The following DYNC2H1 variants were observed in gnomAD, a reference collection of about 807,000 sequenced individuals.
The protein encoded by DYNC2H1 is dynein cytoplasmic 2 heavy chain 1.
DYNC2H1 carries 410 observed loss-of-function variants against 570.0 expected under a neutral mutation model. The ratio of observed to expected loss-of-function variants is 0.72; its 90% CI spans 0.66 to 0.78. The LOEUF is 0.78. DYNC2H1 is among the 30% of genes least tolerant of loss of function. DYNC2H1 has a pLI of 0.00. For missense variants in DYNC2H1, 4,865 were observed against 5,046.4 expected, an observed-to-expected ratio of 0.96 and a Z score of 1.09; for synonymous variants, 1,688 against 1,677.6, an observed-to-expected ratio of 1.01 and a Z score of -0.15.
chr11:103,173,355 G>A, intron 35 of DYNC2H1, 50 bp downstream of exon 35: 2 of 1,306,666 alleles, frequency 1.5e-6, no homozygotes, highest in East Asian at 5.9e-5. Context: ...TCTAATGATT[G>A]ATTTTGGTTA....
At chr11:103,159,818 T>A (rs1408339522) in intron 28 of DYNC2H1, among the ~76,000 whole-genome samples, 3 of 152,102 alleles carry the variant, frequency 2.0e-5, no homozygotes, top group Non-Finnish European at 4.4e-5. Flanking sequence ...ATCAGCAAAA[T>A]ATAACCCATG....
At chr11:103,114,485 AT>A (rs1333356952) in intron 3 of DYNC2H1, among the ~76,000 whole-genome samples, 1 of 152,128 alleles carries the variant, frequency 6.6e-6, no homozygotes, top group East Asian at 1.9e-4. Flanking sequence ...CCGCTGGCTA[AT>A]TTATTTTAGT....
At position 103,156,262 on chromosome 11, in the gene DYNC2H1, C is replaced by CTT. The variant is rs373290219; in HGVS notation, c.3745-115_3745-114dup. 9.3e-3 allele frequency: 7,555 copies of CTT among 810,532 alleles called. 291 individuals are homozygous for CTT. The African/African-American group carries it at 0.11, about 12-fold the overall frequency. The allele number at this position is 810,532 out of a possible 1,614,324, so 50.2% of individuals were successfully genotyped here. A position where few individuals can be genotyped will look rare whatever the true frequency, so the allele number is the denominator to read the frequency against. ...TTGCATGTAAAATAGAGCCACTTAA[C>CTT]TTTTTTTTTTTTGCCTTATGGTGAA... On this transcript the variant is annotated intron_variant, in intron 25 of 88. Coordinates refer to ENST00000375735, the MANE Select transcript of DYNC2H1 (RefSeq NM_001377.3).
intron 59 of DYNC2H1, 45 bp from the exon 60 acceptor site, chr11:103,231,215 A>G (rs752968052): frequency 3.2e-5 from 39 of 1,207,204 alleles, no homozygotes; most frequent in Middle Eastern, 4.2e-4. Flanking sequence ...TTTATAGTTG[A>G]TATCTAAAAT....
rs1256353297 is a variant in DYNC2H1 at position 103,129,777 on chromosome 11, C to G, written c.1953+772C>G. ...TATGTGACTACTAACTTTTTGAAGT[C>G]TGTATTTTTAGTCTTCATAGACATG... On this transcript the variant is annotated intron_variant, in intron 13 of 88. Transcript: ENST00000375735. The surrounding 1 kb of genome is among the most constrained non-coding windows in gnomAD (Gnocchi z 4.1). 6.6e-6 allele frequency among the ~76,000 whole-genome samples: 1 copy of G among 152,142 alleles called. No individual in the cohort carries two copies. The highest frequency in any genetic ancestry group is 1.5e-5 in the Non-Finnish European group (1 of 68,012).
intron 78 of DYNC2H1, among the ~76,000 whole-genome samples, chr11:103,310,709 G>T: frequency 9.9e-6 from 1 of 100,606 alleles, no homozygotes; most frequent in Non-Finnish European, 1.9e-5. Context: ...GGGAGACTGA[G>T]TCTTGCTCTG....
intron 85 of DYNC2H1, among the ~76,000 whole-genome samples, chr11:103,440,153 G>C (rs1001514268): frequency 4.6e-5 from 7 of 152,168 alleles, no homozygotes; most frequent in African/African-American, 1.2e-4. Context: ...CTCATGTGTT[G>C]ATTTCTATAT....
At chr11:103,266,927 A>G (rs79081136) in intron 70 of DYNC2H1, among the ~76,000 whole-genome samples, 20,160 of 152,216 alleles carry the variant, frequency 0.13, 1,641 homozygotes, top group Non-Finnish European at 0.19. Context: ...CCTTAGAGCT[A>G]AAGTCTCCAA....
At chr11:103,391,978 C>T (rs1450544169) in intron 83 of DYNC2H1, among the ~76,000 whole-genome samples, 2 of 152,214 alleles carry the variant, frequency 1.3e-5, no homozygotes, top group Non-Finnish European at 1.5e-5. Context: ...TGTCTGTTCT[C>T]AGATCTCAAA....
At position 103,122,866 on chromosome 11, in the gene DYNC2H1, C is replaced by T; in HGVS notation, c.1527C>T (p.Asp509=). The change falls in exon 11 of 89, where the codon GAC becomes GAT. Residue 509 remains aspartate, a synonymous_variant. Transcript: ENST00000375735. The part of the protein sequence containing the change: ...TIKIAEALLS[D]LPGFRCFHQS... ...AGATTGCAGAGGCTCTTTTATCTGA[C>T]TTGCCAGGATTTCGATGTTTCCATC... 1 of 1,613,284 alleles carries T rather than the reference C, an allele frequency of 6.2e-7. No individual in the cohort carries two copies. Among genetic ancestry groups the T allele is most frequent in the Non-Finnish European group, 8.5e-7 (1 of 1,179,572 alleles).
chr11:103,432,724 T>C (rs1160360208), intron 84 of DYNC2H1, among the ~76,000 whole-genome samples: 2 of 152,142 alleles, frequency 1.3e-5, no homozygotes, highest in Non-Finnish European at 2.9e-5. Context: ...TTTAAGAATG[T>C]ATTTCAATAT....
intron 26 of DYNC2H1, among the ~76,000 whole-genome samples, chr11:103,158,291 A>G (rs1224732918): frequency 1.3e-5 from 2 of 152,130 alleles, no homozygotes; most frequent in Admixed American, 6.5e-5. Context: ...ACTAAAATAT[A>G]CAAAAAAATT....
chr11:103,247,348 T>G (rs1253469931), intron 65 of DYNC2H1, among the ~76,000 whole-genome samples: 1 of 152,080 alleles, frequency 6.6e-6, no homozygotes, highest in Non-Finnish European at 1.5e-5. Flanking sequence ...GAGACAGGCA[T>G]ACGTACATGC....
intron 75 of DYNC2H1, 48 bp from the exon 76 acceptor site, chr11:103,303,045 A>G (rs1472352336): frequency 3.8e-6 from 5 of 1,300,806 alleles, no homozygotes; most frequent in Middle Eastern, 2.8e-4. Context: ...TAAACTTTTT[A>G]ATAATGCATA....
Position 103,244,462 on chromosome 11 carries a change from C to A in DYNC2H1, c.9918+671C>A, listed in dbSNP as rs973644881. On this transcript the variant is annotated intron_variant, in intron 64 of 88. Coordinates refer to ENST00000375735, the MANE Select transcript of DYNC2H1 (RefSeq NM_001377.3). The surrounding 1 kb of genome is among the most constrained non-coding windows in gnomAD (Gnocchi z 4.3). The stretch of plus-strand genomic sequence containing the variant: ...TTACTTGTAAAATGGGGATATCTAC[C>A]TTATTTTTTGTGTGATAAGAATAAT... Among the ~76,000 whole-genome samples, 2 of 150,116 alleles carry A rather than the reference C, an allele frequency of 1.3e-5. No homozygotes were observed. Among genetic ancestry groups the A allele is most frequent in the Admixed American group, 1.3e-4 (2 of 15,068 alleles).
chr11:103,292,241 T>TA (rs1275280649), intron 75 of DYNC2H1, among the ~76,000 whole-genome samples: 5 of 152,098 alleles, frequency 3.3e-5, no homozygotes, highest in African/African-American at 9.7e-5. Context: ...TGCTTTTTTT[T>TA]ATGTGTGTAT....
At chr11:103,238,344 G>C (rs1864300573) in intron 63 of DYNC2H1, among the ~76,000 whole-genome samples, 1 of 152,060 alleles carries the variant, frequency 6.6e-6, no homozygotes, top group South Asian at 2.1e-4. Flanking sequence ...CAAGGCGGGT[G>C]GATCACTTGA....
Position 103,241,290 on chromosome 11 carries a change from T to C in DYNC2H1, c.9820-2403T>C, listed in dbSNP as rs1424646735. ...TATAGTAGATGAAGTAACGAACAAATGAGTAAATAAATGAAAGCTCAACAT... is the reference window on the plus strand; with the variant it reads ...TATAGTAGATGAAGTAACGAACAAACGAGTAAATAAATGAAAGCTCAACAT... On this transcript the variant is annotated intron_variant, in intron 63 of 88. Transcript: ENST00000375735. The surrounding 1 kb of genome is among the most constrained non-coding windows in gnomAD (Gnocchi z 5.1). 6.6e-6 allele frequency among the ~76,000 whole-genome samples: 1 copy of C among 152,182 alleles called. No homozygotes were observed. Among genetic ancestry groups the C allele is most frequent in the Non-Finnish European group, 1.5e-5 (1 of 68,030 alleles).
At chr11:103,293,135 C>T (rs1277256843) in intron 75 of DYNC2H1, among the ~76,000 whole-genome samples, 1 of 151,926 alleles carries the variant, frequency 6.6e-6, no homozygotes, top group Admixed American at 6.6e-5. Flanking sequence ...CTTTTGTTTG[C>T]CTGGGAAAGT....
Sources: allele counts gnomAD v4.1 joint callset (sites outside exome capture counted in the v4.1 genomes callset), GRCh38; gene constraint gnomAD v4.1.1; non-coding constraint Gnocchi (gnomAD v3.1); transcripts MANE v1.5; gene names NCBI Gene and HGNC (gene_info 2026-07-23, HGNC 2026-07-21).